The following COL5A1 variants were observed in gnomAD, a reference collection of about 807,000 sequenced individuals.
COL5A1 encodes collagen alpha-1(V) chain.
In COL5A1, 16 loss-of-function variants were observed where a neutral mutation model predicts 263.7. The ratio of observed to expected loss-of-function variants is 0.06; its 90% CI spans 0.04 to 0.09. The LOEUF (loss-of-function observed/expected upper bound fraction) is 0.09, where lower values mean the gene tolerates loss of function less well. COL5A1 is among the 10% of genes least tolerant of loss of function. COL5A1 has a pLI of 1.00. For missense variants in COL5A1, 2,036 were observed against 2,540.5 expected (o/e 0.80, Z 4.27); for synonymous variants, 1,012 against 1,004.5 (o/e 1.01, Z -0.14).
At chr9:134,802,157 G>T (rs926146073) in intron 38 of COL5A1, 150 bp downstream of exon 38, 2 of 810,644 alleles carry the variant, frequency 2.5e-6, no homozygotes, top group African/African-American at 3.4e-5. Flanking sequence ...GTTGGTCAGC[G>T]TGAGGCTCGC....
In COL5A1 at chr9:134,642,125, GC is replaced by G. The variant is rs1831308381; in HGVS notation, c.-59del. On this transcript the variant is annotated 5_prime_UTR_variant, in exon 1 of 66. Coordinates refer to ENST00000371817, the MANE Select transcript of COL5A1 (RefSeq NM_000093.5). This position sits in a 1 kb window ranked among gnomAD's most constrained non-coding sequence, Gnocchi z 4.5. Reference sequence around the variant, plus strand: ...GTGCGCTGCCCGGGCCGTGACCCGCGCCCCTGTGCGTCCCCGCGCGCCTCCG... The same window carrying G: ...GTGCGCTGCCCGGGCCGTGACCCGCGCCCTGTGCGTCCCCGCGCGCCTCCG... 8.2e-7 allele frequency: 1 copy of G among 1,226,168 alleles called. No individual in the cohort carries two copies. The highest frequency in any genetic ancestry group is 1.0e-6 in the Non-Finnish European group (1 of 984,108). The allele number at this position is 1,226,168 out of a possible 1,614,324, so 76.0% of individuals were successfully genotyped here.
chr9:134,796,808 G>A, intron 35 of COL5A1, 40 bp from the exon 36 acceptor site: 1 of 1,596,040 alleles, frequency 6.3e-7, no homozygotes, highest in Non-Finnish European at 8.6e-7. Context: ...CTGCTCGGGA[G>A]AGACCTCTTG....
At chr9:134,737,986 G>C (rs1192013419) in intron 9 of COL5A1, among the ~76,000 whole-genome samples, 8 of 152,260 alleles carry the variant, frequency 5.3e-5, no homozygotes, top group African/African-American at 1.9e-4. Flanking sequence ...TTGCAGCCCT[G>C]GGGCCTGACG....
At chr9:134,778,370 G>A (rs1200151358) in intron 27 of COL5A1, among the ~76,000 whole-genome samples, 1 of 152,266 alleles carries the variant, frequency 6.6e-6, no homozygotes, top group Non-Finnish European at 1.5e-5. Flanking sequence ...GCAGTGGCCT[G>A]CAGCAGGCTG....
rs1209703666 is a variant in COL5A1, at chr9:134,694,445, C to A, written c.277+3366C>A. Among the ~76,000 whole-genome samples the A allele has an allele frequency of 7.9e-5, 12 of 152,372 alleles. No homozygotes were observed. In the South Asian group the frequency reaches 2.5e-3, roughly 32 times the overall value. On this transcript the variant is annotated intron_variant, in intron 2 of 65. Coordinates refer to ENST00000371817, the MANE Select transcript of COL5A1 (RefSeq NM_000093.5). ...ATGAATAGAACAGATGGAGCCCGGCCTCCTCTGGCCTGGGAGAGCGAGGTT... is the reference window on the plus strand; with the variant it reads ...ATGAATAGAACAGATGGAGCCCGGCATCCTCTGGCCTGGGAGAGCGAGGTT...
chr9:134,801,788 GAA>G (rs35171316), intron 37 of COL5A1, among the ~76,000 whole-genome samples, 164 bp from the exon 38 acceptor site: 9 of 132,624 alleles, frequency 6.8e-5, no homozygotes, highest in South Asian at 2.5e-4. Flanking sequence ...CTCTCCATCT[GAA>G]AAAAAAAAAA....
intron 11 of COL5A1, among the ~76,000 whole-genome samples, chr9:134,749,154 G>C (rs1467754229): frequency 2.0e-5 from 3 of 152,206 alleles, no homozygotes; most frequent in Admixed American, 6.5e-5. Flanking sequence ...AGAATTGCTT[G>C]AACCGGGGAG....
At chr9:134,800,694 G>A (rs1239095149) in intron 37 of COL5A1, among the ~76,000 whole-genome samples, 1 of 145,358 alleles carries the variant, frequency 6.9e-6, no homozygotes, top group Non-Finnish European at 1.5e-5. Context: ...GCCGTGAGCC[G>A]AGATCGTGCC....
intron 8 of COL5A1, 144 bp from the exon 9 acceptor site, chr9:134,731,927 C>T (rs1834897530): frequency 2.0e-6 from 2 of 1,012,778 alleles, no homozygotes; most frequent in South Asian, 1.3e-5. Flanking sequence ...CTGTCACGCT[C>T]CTGCCATCCT....
At chr9:134,717,310 GC>G (rs1450764156) in intron 4 of COL5A1, among the ~76,000 whole-genome samples, 6 of 152,224 alleles carry the variant, frequency 3.9e-5, no homozygotes, top group African/African-American at 1.4e-4. Context: ...CACTGTACTT[GC>G]GGGGAACGCA....
rs1470529269 is a variant in COL5A1 at position 134,821,399 on chromosome 9, C to T, written c.4555-698C>T. Among the ~76,000 whole-genome samples, 5 of 152,144 alleles carry T rather than the reference C, an allele frequency of 3.3e-5. No individual in the cohort carries two copies. Among genetic ancestry groups the T allele is most frequent in the African/African-American group, 9.7e-5 (4 of 41,428 alleles). ...ACAAGGTGAAGGGAGGGAAGCGCTC[C>T]CTCCCCAGTGAAATACGGCCATCAG... On this transcript the variant is annotated intron_variant, in intron 58 of 65. Transcript: ENST00000371817. The surrounding 1 kb of genome is among the most constrained non-coding windows in gnomAD (Gnocchi z 4.2).
intron 41 of COL5A1, among the ~76,000 whole-genome samples, 200 bp from the exon 42 acceptor site, chr9:134,805,989 G>T (rs2132829831): frequency 6.6e-6 from 1 of 152,290 alleles, no homozygotes; most frequent in African/African-American, 2.4e-5. Flanking sequence ...AGGGGGAGGA[G>T]CACCTGGGAG....
At chr9:134,806,727 G>A (rs1294341371) in intron 42 of COL5A1, among the ~76,000 whole-genome samples, 2 of 152,212 alleles carry the variant, frequency 1.3e-5, no homozygotes, top group Non-Finnish European at 2.9e-5. Flanking sequence ...CCCTGCTGCT[G>A]GCCCAGACCC....
At position 134,758,601 on chromosome 9, in the gene COL5A1, A is replaced by G. The variant is rs553250411; in HGVS notation, c.1935+305A>G. ...AGGGAAGGAGCCCTTCCTTTTAGAGATCTGTTTAATGGAGTCCTTTAACAT... is the reference window on the plus strand; with the variant it reads ...AGGGAAGGAGCCCTTCCTTTTAGAGGTCTGTTTAATGGAGTCCTTTAACAT... On this transcript the variant is annotated intron_variant, in intron 18 of 65. Coordinates refer to ENST00000371817, the MANE Select transcript of COL5A1 (RefSeq NM_000093.5). The surrounding 1 kb of genome is among the most constrained non-coding windows in gnomAD (Gnocchi z 4.1). 6.6e-6 allele frequency among the ~76,000 whole-genome samples: 1 copy of G among 152,150 alleles called. No homozygotes were observed. The highest frequency in any genetic ancestry group is 1.9e-4 in the East Asian group (1 of 5,164).
At chr9:134,715,941 A>T (rs917529452) in intron 4 of COL5A1, among the ~76,000 whole-genome samples, 4 of 151,576 alleles carry the variant, frequency 2.6e-5, no homozygotes, top group African/African-American at 9.7e-5. Flanking sequence ...GGTGGTGGTG[A>T]TGCTGGTGAT....
intron 19 of COL5A1, among the ~76,000 whole-genome samples, chr9:134,762,966 CTGTG>C (rs949472240): frequency 3.3e-5 from 5 of 152,088 alleles, no homozygotes; most frequent in South Asian, 2.1e-4. Flanking sequence ...GCACGCATGG[CTGTG>C]TGCGTGTGTA....
intron 2 of COL5A1, among the ~76,000 whole-genome samples, chr9:134,699,678 A>G (rs1202499686): frequency 6.6e-6 from 1 of 152,142 alleles, no homozygotes. Context: ...TGTTTCATGG[A>G]GGAGTTTGCA....
At chr9:134,699,824 G>A (rs1035329508) in intron 2 of COL5A1, 85 bp from the exon 3 acceptor site, 30 of 1,343,612 alleles carry the variant, frequency 2.2e-5, no homozygotes, top group African/African-American at 4.3e-5. Context: ...CCAGGGTCCC[G>A]GGCTGGCTTG....
chr9:134,811,276 CCCCT>C, intron 44 of COL5A1, 59 bp from the exon 45 acceptor site: 1 of 1,494,128 alleles, frequency 6.7e-7, no homozygotes, highest in Non-Finnish European at 9.3e-7. Flanking sequence ...ATGCGGTCCA[CCCCT>C]CCCTCAGCCT....
Sources: gnomAD v4.1 joint callset for allele counts (sites outside exome capture counted in the v4.1 genomes callset) on GRCh38, gnomAD v4.1.1 for gene constraint, Gnocchi (gnomAD v3.1) non-coding constraint, MANE v1.5 for transcripts, NCBI Gene and HGNC (gene_info 2026-07-23, HGNC 2026-07-21) for gene names.